Variants in TRMT2B observed in about 807,000 individuals in gnomAD.
The protein encoded by TRMT2B is tRNA methyltransferase 2B.
In TRMT2B, 34 loss-of-function variants were observed where a neutral mutation model predicts 39.7. The ratio of observed to expected loss-of-function variants is 0.86; its 90% CI spans 0.65 to 1.14. TRMT2B has a LOEUF of 1.14. TRMT2B is among the 50% of genes most tolerant of loss of function. TRMT2B has a pLI of 0.00. For missense variants in TRMT2B, 318 were observed against 377.2 expected, an observed-to-expected ratio of 0.84 and a Z score of 1.30; for synonymous variants, 132 against 137.3, an observed-to-expected ratio of 0.96 and a Z score of 0.27.
At chrX:100,987,277 A>T in the TRMT2B span, 1 of 756,628 alleles carries the variant, frequency 1.3e-6, no homozygotes, top group Non-Finnish European at 1.9e-6. Context: ...GAGCCTCTCT[A>T]GGCATAGCAG....
the TRMT2B span, among the ~76,000 whole-genome samples, chrX:100,977,944 T>A: frequency 8.9e-6 from 1 of 112,267 alleles, no homozygotes; most frequent in East Asian, 2.8e-4. Flanking sequence ...TCTGGGCTAT[T>A]GTGAACAGTG....
chrX:101,020,932 G>C (rs1251953266), intron 10 of TRMT2B, among the ~76,000 whole-genome samples, 169 bp downstream of exon 10: 1 of 111,964 alleles, frequency 8.9e-6, no homozygotes, highest in Non-Finnish European at 1.9e-5. Flanking sequence ...GCTTCACAAA[G>C]TGTTGGGATA....
chrX:100,990,623 A>C, the TRMT2B span: 2 of 1,118,767 alleles, frequency 1.8e-6, no homozygotes, highest in East Asian at 3.3e-5. Flanking sequence ...ATCCATTGAG[A>C]ATGAAGACCA....
chrX:101,035,519 C>A, intron 7 of TRMT2B, 94 bp downstream of exon 7: 1 of 764,943 alleles, frequency 1.3e-6, no homozygotes, highest in Non-Finnish European at 2.0e-6. Flanking sequence ...CCCTCTAGCA[C>A]TAGAATTGGC....
the TRMT2B span, among the ~76,000 whole-genome samples, chrX:100,999,783 C>T: frequency 3.6e-5 from 4 of 111,921 alleles, no homozygotes; most frequent in Non-Finnish European, 7.5e-5. Flanking sequence ...ATTAGAATCA[C>T]CTTGGGGATC....
Position 101,037,081 on chromosome X carries a change from G to A in TRMT2B, c.439-8C>T, listed in dbSNP as rs200816412. On this transcript the variant is annotated splice_polypyrimidine_tract_variant and splice_region_variant and intron_variant, in intron 5 of 13. Coordinates refer to ENST00000372936, the MANE Select transcript of TRMT2B (RefSeq NM_024917.6). ...GTAACCATTGATGACAGGCTGGAGA[G>A]GGCAGAAGGACAGGAGGGGGATGAG... 6.3e-4 allele frequency: 741 copies of A among 1,177,717 alleles called. 1 individual carries two copies. The highest frequency in any genetic ancestry group is 1.1e-3 in the Admixed American group (50 of 45,534).
At chrX:100,989,562 A>G in the TRMT2B span, among the ~76,000 whole-genome samples, 1 of 108,010 alleles carries the variant, frequency 9.3e-6, no homozygotes, top group African/African-American at 3.4e-5. Context: ...GTGAGCCGAG[A>G]TAGCGCCACT....
chrX:100,982,607 C>T, the TRMT2B span, among the ~76,000 whole-genome samples: 1 of 107,019 alleles, frequency 9.3e-6, no homozygotes, highest in Non-Finnish European at 1.9e-5. Context: ...CCTGGAGATT[C>T]AAAAGTTTGG....
At chrX:100,991,578 G>A in the TRMT2B span, among the ~76,000 whole-genome samples, 1 of 111,365 alleles carries the variant, frequency 9.0e-6, no homozygotes, top group African/African-American at 3.3e-5. Context: ...GTTTCACCGT[G>A]TTAGCCAGGA....
the TRMT2B span, among the ~76,000 whole-genome samples, chrX:100,984,024 G>T: frequency 2.7e-5 from 3 of 111,566 alleles, no homozygotes; most frequent in Non-Finnish European, 5.6e-5. Flanking sequence ...CTACTAATGT[G>T]GGAAGAGAGC....
At chrX:101,031,239 T>G (rs2087439415) in intron 7 of TRMT2B, among the ~76,000 whole-genome samples, 1 of 110,192 alleles carries the variant, frequency 9.1e-6, no homozygotes, top group African/African-American at 3.3e-5. Context: ...ACTCCCAAAC[T>G]GCTAGGATTA....
At chrX:101,031,899 A>C (rs1165660976) in intron 7 of TRMT2B, among the ~76,000 whole-genome samples, 3 of 111,312 alleles carry the variant, frequency 2.7e-5, no homozygotes, top group Non-Finnish European at 5.6e-5. Flanking sequence ...AAGAACAAAA[A>C]GGCAAAGAGA....
the TRMT2B span, among the ~76,000 whole-genome samples, chrX:100,984,137 G>C: frequency 1.9e-5 from 2 of 105,432 alleles, no homozygotes; most frequent in Non-Finnish European, 3.9e-5. Flanking sequence ...TTTTGAGATG[G>C]AGTTTCACTC....
At chrX:101,001,019 G>A in the TRMT2B span, among the ~76,000 whole-genome samples, 3 of 111,007 alleles carry the variant, frequency 2.7e-5, no homozygotes, top group Admixed American at 2.9e-4. Context: ...TCAGTTGAGG[G>A]AGAGCCCAAA....
rs2088341732 is a variant in TRMT2B, at chrX:101,043,049, C to A, written c.-23-737G>T. On this transcript the variant is annotated intron_variant, in intron 2 of 13. Coordinates refer to ENST00000372936, the MANE Select transcript of TRMT2B (RefSeq NM_024917.6). ...AGGGAGGCCGAGGCAGGTGGATCAC[C>A]TGAGGTCAGGAGTTCGAGACCAGCC... Among the ~76,000 whole-genome samples the A allele has an allele frequency of 2.7e-5, 3 of 111,808 alleles. No homozygotes were observed. The South Asian group carries it at 1.1e-3, about 41-fold the overall frequency.
At chrX:101,004,278 C>T in the TRMT2B span, among the ~76,000 whole-genome samples, 2 of 109,607 alleles carry the variant, frequency 1.8e-5, no homozygotes, top group African/African-American at 6.6e-5. Flanking sequence ...ACAACAACAA[C>T]AACAACAACA....
the TRMT2B span, chrX:100,974,039 C>A: frequency 1.3e-6 from 1 of 784,251 alleles, no homozygotes; most frequent in Non-Finnish European, 1.9e-6. Flanking sequence ...GGCAGAGTCC[C>A]AAACAATAAG....
rs1042737347 is a variant in TRMT2B, at chrX:101,044,156, C to G, written c.-23-1844G>C. ...ACTCGGGAGGCTGAAGCAGGAGAGT[C>G]GCTTGAACCCGGGAGGCAGAGGTTG... On this transcript the variant is annotated intron_variant, in intron 2 of 13. Coordinates refer to ENST00000372936, the MANE Select transcript of TRMT2B (RefSeq NM_024917.6). Among the ~76,000 whole-genome samples the G allele has an allele frequency of 2.8e-5, 3 of 106,835 alleles. No homozygotes were observed. The East Asian group carries it at 9.1e-4, about 32-fold the overall frequency. 92.8% of individuals were successfully genotyped at this position (106,835 alleles called of 115,157 possible). A position where few individuals can be genotyped will look rare whatever the true frequency, so the allele number is the denominator to read the frequency against.
At chrX:101,050,980 T>C (rs1206524395) in intron 2 of TRMT2B, among the ~76,000 whole-genome samples, 1 of 108,687 alleles carries the variant, frequency 9.2e-6, no homozygotes, top group Non-Finnish European at 1.9e-5. Context: ...AGGCGGAGGT[T>C]GCAGTGAGCC....
Sources: allele counts gnomAD v4.1 joint callset (sites outside exome capture counted in the v4.1 genomes callset), GRCh38; gene constraint gnomAD v4.1.1; transcripts MANE v1.5; gene names NCBI Gene and HGNC (gene_info 2026-07-23, HGNC 2026-07-21).